SMPDL3A: variants seen among roughly 807,000 people sequenced by gnomAD.
SMPDL3A encodes cyclic GMP-AMP phosphodiesterase SMPDL3A.
A neutral mutation model predicts 38.5 loss-of-function variants in SMPDL3A; 39 were observed. The ratio of observed to expected loss-of-function variants is 1.01; its 90% confidence interval spans 0.78 to 1.32. SMPDL3A has a LOEUF of 1.32. Among genes scored for constraint, SMPDL3A ranks in the 40% most tolerant of loss-of-function variants. The pLI is 0.00. For synonymous variants in SMPDL3A, 180 were observed against 194.3 expected (o/e 0.93, Z 0.61); for missense variants, 502 against 536.2 (o/e 0.94, Z 0.63).
intron 3 of SMPDL3A, among the ~76,000 whole-genome samples, chr6:122,800,723 G>T (rs1212507635): frequency 1.5e-5 from 1 of 68,340 alleles, no homozygotes; most frequent in African/African-American, 3.9e-5. Context: ...TAATTCCCTG[G>T]GCTACACCTT....
At chr6:122,794,175 G>A (rs1483912516) in intron 1 of SMPDL3A, among the ~76,000 whole-genome samples, 3 of 152,106 alleles carry the variant, frequency 2.0e-5, no homozygotes, top group Admixed American at 6.5e-5. Flanking sequence ...TTCCCAGTTC[G>A]GAGAGCAGTT....
At chr6:122,804,724 G>A (rs1160749319) in intron 5 of SMPDL3A, among the ~76,000 whole-genome samples, 185 bp from the exon 6 acceptor site, 1 of 152,106 alleles carries the variant, frequency 6.6e-6, no homozygotes, top group Non-Finnish European at 1.5e-5. Context: ...CATCAACAGT[G>A]TACAAATATA....
At chr6:122,800,032 A>AATCATAG (rs1245894717) in intron 3 of SMPDL3A, among the ~76,000 whole-genome samples, 1 of 148,970 alleles carries the variant, frequency 6.7e-6, no homozygotes. Context: ...GCAGTGGCAC[A>AATCATAG]ATCATAGATA....
intron 4 of SMPDL3A, 88 bp from the exon 5 acceptor site, chr6:122,803,575 AC>A: frequency 1.1e-6 from 1 of 918,322 alleles, no homozygotes; most frequent in Admixed American, 2.3e-5. Context: ...CAACCTCCTG[AC>A]TGGATTGTAA....
chr6:122,807,151 T>A (rs528104607), intron 7 of SMPDL3A, among the ~76,000 whole-genome samples: 4 of 152,044 alleles, frequency 2.6e-5, no homozygotes, highest in African/African-American at 9.7e-5. Context: ...TCCTCCCACA[T>A]TGGCCTTCCA....
chr6:122,797,097 C>A, intron 3 of SMPDL3A, 129 bp downstream of exon 3: 1 of 671,220 alleles, frequency 1.5e-6, no homozygotes, highest in Non-Finnish European at 2.5e-6. Flanking sequence ...GGTCTTAATC[C>A]TAACCATCAA....
At position 122,798,278 on chromosome 6, in the gene SMPDL3A, G is replaced by A. The variant is rs549616514; in HGVS notation, c.471+1310G>A. On this transcript the variant is annotated intron_variant, in intron 3 of 7. Transcript: ENST00000368440. Reference sequence around the variant, plus strand: ...AGCCTGTCAACGAGCATTTGTTCCTGTTGATATGTTAGACCACACAGTGAA... The same window carrying A: ...AGCCTGTCAACGAGCATTTGTTCCTATTGATATGTTAGACCACACAGTGAA... Among the ~76,000 whole-genome samples the A allele has an allele frequency of 2.6e-5, 4 of 152,266 alleles. 1 individual carries two copies. The South Asian group carries it at 8.3e-4, about 32-fold the overall frequency.
intron 4 of SMPDL3A, 86 bp from the exon 5 acceptor site, chr6:122,803,578 G>T: frequency 1.0e-6 from 1 of 955,736 alleles, no homozygotes; most frequent in Non-Finnish European, 1.6e-6. Context: ...CCTCCTGACT[G>T]GATTGTAAAC....
Position 122,804,439 on chromosome 6 carries a change from G to GACT in SMPDL3A, c.739-467_739-465dup, listed in dbSNP as rs576927650. On this transcript the variant is annotated intron_variant, in intron 5 of 7. Transcript: ENST00000368440. ...CCACCTCAGACTCCTAAGTAAGTGG[G>GACT]ACTACAGGTGTGCGCCACCACTCCT... Among the ~76,000 whole-genome samples the GACT allele has an allele frequency of 8.6e-4, 131 of 152,026 alleles. 1 individual carries two copies. In the East Asian group the frequency reaches 0.023, roughly 27 times the overall value.
At chr6:122,807,551 G>A (rs1781674876) in intron 7 of SMPDL3A, among the ~76,000 whole-genome samples, 1 of 152,218 alleles carries the variant, frequency 6.6e-6, no homozygotes, top group African/African-American at 2.4e-5. Context: ...TGGGACAAAA[G>A]TTCTTTGGAG....
intron 4 of SMPDL3A, 95 bp from the exon 5 acceptor site, chr6:122,803,569 C>A: frequency 1.2e-6 from 1 of 859,044 alleles, no homozygotes; most frequent in Non-Finnish European, 1.8e-6. Flanking sequence ...AAGCACCAAC[C>A]TCCTGACTGG....
intron 5 of SMPDL3A, 137 bp downstream of exon 5, chr6:122,803,970 C>A: frequency 3.2e-6 from 2 of 630,238 alleles, no homozygotes; most frequent in Non-Finnish European, 5.2e-6. Context: ...CTTTACAACT[C>A]ATGGATTTTC....
At position 122,803,806 on chromosome 6, in the gene SMPDL3A, G is replaced by A. The variant is rs765239201; in HGVS notation, c.711G>A (p.Leu237=). The change falls in exon 5 of 8, where the codon TTG becomes TTA. Residue 237 remains leucine (L), a synonymous_variant. Coordinates refer to ENST00000368440, the MANE Select transcript of SMPDL3A (RefSeq NM_006714.5). ...AGTTTGAATGGCTAGAAAGTACATTGAACAACTCTCAGCAGAATAAGGAGA... is the reference window on the plus strand; with the variant it reads ...AGTTTGAATGGCTAGAAAGTACATTAAACAACTCTCAGCAGAATAAGGAGA... ...ANQFEWLEST[L]NNSQQNKEKV... is the part of the protein sequence containing the mutation. 10 of 1,613,754 alleles carry A rather than the reference G, an allele frequency of 6.2e-6. No homozygotes were observed. The African/African-American group carries it at 9.4e-5, about 15-fold the overall frequency.
intron 3 of SMPDL3A, among the ~76,000 whole-genome samples, chr6:122,800,372 G>A (rs1488923918): frequency 6.6e-6 from 1 of 152,182 alleles, no homozygotes; most frequent in African/African-American, 2.4e-5. Context: ...GAGTTAAGAA[G>A]CTTATAATAG....
In SMPDL3A at chr6:122,809,524, CTTTCTTTTTTTT is replaced by C; in HGVS notation, c.*126_*137del. The C allele has an allele frequency of 1.4e-6, 1 of 702,456 alleles. No homozygotes were observed. Among genetic ancestry groups the C allele is most frequent in the East Asian group, 2.8e-5 (1 of 36,106 alleles). 43.5% of individuals were successfully genotyped at this position (702,456 alleles called of 1,614,324 possible). A position where few individuals can be genotyped will look rare whatever the true frequency, so the allele number is the denominator to read the frequency against. The stretch of plus-strand genomic sequence containing the variant: ...TGGGCAAGTAGACTTCCTGTCTTTG[CTTTCTTTTTTTT>C]TTTCTTTTTGATGCCTTAATGTAGA... On this transcript the variant is annotated 3_prime_UTR_variant, in exon 8 of 8. Coordinates refer to ENST00000368440, the MANE Select transcript of SMPDL3A (RefSeq NM_006714.5).
In SMPDL3A at chr6:122,803,116, G is replaced by C. The variant is rs188394886; in HGVS notation, c.569-548G>C. On this transcript the variant is annotated intron_variant, in intron 4 of 7. Transcript: ENST00000368440. ...CAGATCTTAGTGCCCAGCTCTGAAA[G>C]TGCCATTGCAACAGACCCTTGGGTG... is the stretch of plus-strand genomic sequence containing the variant. 5.0e-3 allele frequency among the ~76,000 whole-genome samples: 749 copies of C among 150,664 alleles called. 3 individuals are homozygous for C. Among genetic ancestry groups the C allele is most frequent in the African/African-American group, 0.018 (727 of 41,152 alleles).
chr6:122,802,187 T>C (rs1406680296), intron 4 of SMPDL3A, among the ~76,000 whole-genome samples: 1 of 137,780 alleles, frequency 7.3e-6, no homozygotes, highest in Non-Finnish European at 1.5e-5. Flanking sequence ...TAGGGAACTA[T>C]ATCTAGTCTT....
Position 122,796,941 on chromosome 6 carries a change from G to T in SMPDL3A, c.444G>T (p.Ala148=), listed in dbSNP as rs60203827. The change falls in exon 3 of 8, where the codon GCG becomes GCT. Residue 148 remains alanine (A), a synonymous_variant. Transcript: ENST00000368440. ...SLFPNLQVFP[A]LGNHDYWPQD... Reference sequence around the variant, plus strand: ...TTCCAAATCTCCAGGTTTTCCCTGCGCTGGGTAATCATGACTATTGGCCAC... The same window carrying T: ...TTCCAAATCTCCAGGTTTTCCCTGCTCTGGGTAATCATGACTATTGGCCAC... 19 of 1,613,416 alleles carry T rather than the reference G, an allele frequency of 1.2e-5. No individual in the cohort carries two copies. The highest frequency in any genetic ancestry group is 1.6e-4 in the Middle Eastern group (1 of 6,078).
At chr6:122,802,493 T>C (rs2115171259) in intron 4 of SMPDL3A, among the ~76,000 whole-genome samples, 1 of 152,222 alleles carries the variant, frequency 6.6e-6, no homozygotes, top group African/African-American at 2.4e-5. Context: ...TGAGCCACCG[T>C]GCCCGGCCTA....
Sources: gnomAD v4.1 joint callset for allele counts (sites outside exome capture counted in the v4.1 genomes callset) on GRCh38, gnomAD v4.1.1 for gene constraint, MANE v1.5 for transcripts, NCBI Gene and HGNC (gene_info 2026-07-23, HGNC 2026-07-21) for gene names.